TCAIM: variants seen among roughly 807,000 people sequenced by gnomAD.
The protein encoded by TCAIM is T-cell activation inhibitor, mitochondrial.
Under a neutral mutation model 58.6 loss-of-function variants are expected in TCAIM, and 36 were observed. That is an observed-to-expected ratio of 0.61 (90% CI 0.47 to 0.81). TCAIM has a LOEUF of 0.81. Ranked by LOEUF, TCAIM falls within the 30% of genes least tolerant of loss-of-function variation. TCAIM has a pLI of 0.00. For synonymous variants in TCAIM, 172 were observed against 193.6 expected (o/e 0.89, Z 0.93); for missense variants, 466 against 579.6 (o/e 0.80, Z 2.01).
chr3:44,371,612 A>T (rs1193238326), intron 5 of TCAIM, among the ~76,000 whole-genome samples: 2 of 152,248 alleles, frequency 1.3e-5, no homozygotes, highest in East Asian at 3.9e-4. Flanking sequence ...GCATTATAAT[A>T]CCTGTACTCA....
At chr3:44,361,595 A>G in intron 4 of TCAIM, 77 bp downstream of exon 4, 7 of 1,333,610 alleles carry the variant, frequency 5.2e-6, no homozygotes, top group Non-Finnish European at 6.9e-6. Context: ...TTGCCAGAAT[A>G]CCTTTGGATG....
intron 5 of TCAIM, among the ~76,000 whole-genome samples, chr3:44,382,364 G>A (rs145093199): frequency 3.2e-4 from 48 of 152,240 alleles, no homozygotes; most frequent in African/African-American, 1.1e-3. Context: ...CCCAGGCACC[G>A]TAGTGAGACC....
Position 44,356,082 on chromosome 3 carries a change from A to G in TCAIM, c.29+1271A>G, listed in dbSNP as rs1033237101. ...TAGGAGAAACAAAAGATAATCTGCA[A>G]ATAGGTTGGTGGTCTCCAGATTGTT... On this transcript the variant is annotated intron_variant, in intron 2 of 10. Transcript: ENST00000342649. Among the ~76,000 whole-genome samples the G allele has an allele frequency of 3.9e-5, 6 of 152,268 alleles. No homozygotes were observed. In the South Asian group the frequency reaches 6.2e-4, roughly 16 times the overall value.
At chr3:44,344,642 C>CT (rs1700927248) in intron 1 of TCAIM, among the ~76,000 whole-genome samples, 2 of 152,094 alleles carry the variant, frequency 1.3e-5, no homozygotes, top group Admixed American at 1.3e-4. Context: ...TATAAGGGCA[C>CT]TAATGACCTT....
rs775135966 is a variant in TCAIM at position 44,401,280 on chromosome 3, G to C, written c.1196G>C (p.Trp399Ser). The change falls in exon 10 of 11, where the codon TGG becomes TCG. Residue 399 changes from tryptophan to serine, a missense_variant. Trp to Ser is a radical substitution (Grantham distance 177). Transcript: ENST00000342649. ...CTCTGTGATCCAGCAAATCTCCAGT[G>C]GTTTATTCTCACCAAAGCTCAGCAG... ...PTLCDPANLQ[W>S]FILTKAQQAR... The C allele has an allele frequency of 3.7e-6, 6 of 1,613,944 alleles. No individual in the cohort carries two copies. Among genetic ancestry groups the C allele is most frequent in the Non-Finnish European group, 4.2e-6 (5 of 1,179,974 alleles).
intron 4 of TCAIM, among the ~76,000 whole-genome samples, chr3:44,365,283 T>C (rs1701355787): frequency 6.6e-6 from 1 of 152,188 alleles, no homozygotes; most frequent in African/African-American, 2.4e-5. Flanking sequence ...AAGTAGAATG[T>C]GTATCTCTGA....
At chr3:44,400,625 C>T in intron 9 of TCAIM, 38 bp downstream of exon 9, 3 of 1,542,236 alleles carry the variant, frequency 1.9e-6, no homozygotes, top group Non-Finnish European at 2.7e-6. Context: ...TTTATTCCTT[C>T]GTCTAGGTGG....
At position 44,357,755 on chromosome 3, in the gene TCAIM, A is replaced by G; in HGVS notation, c.44A>G (p.Lys15Arg). The G allele has an allele frequency of 6.2e-7, 1 of 1,614,118 alleles. No homozygotes were observed. Among genetic ancestry groups the G allele is most frequent in the South Asian group, 1.1e-5 (1 of 91,082 alleles). Residue 15 changes from lysine (K) to arginine (R), a missense_variant, in exon 3 of 11, where the codon AAG becomes AGG. By Grantham distance (26) the Lys-to-Arg change is conservative. Coordinates refer to ENST00000342649, the MANE Select transcript of TCAIM (RefSeq NM_173826.4). The stretch of plus-strand genomic sequence containing the variant: ...CTTTTTAAAAGGTTATGTCTAGAGA[A>G]GATATTTCCACACTGGTTTCCCTTT... ...LRPMRRLCLE[K>R]IFPHWFPFSR...
In TCAIM at chr3:44,400,390, G is replaced by C. The variant is rs1376570368; in HGVS notation, c.921G>C (p.Gln307His). The change falls in exon 9 of 11, where the codon CAG becomes CAC. Residue 307 changes from glutamine to histidine, a missense_variant. Coordinates refer to ENST00000342649, the MANE Select transcript of TCAIM (RefSeq NM_173826.4). Reference sequence around the variant, plus strand: ...GATTGCCAAGTTATTTTGACCTTCAGAGGAGGCTGATGATTTTAGAAGACC... The same window carrying C: ...GATTGCCAAGTTATTTTGACCTTCACAGGAGGCTGATGATTTTAGAAGACC... ...FERLPSYFDL[Q>H]RRLMILEDQI... is the part of the protein sequence containing the mutation. 6.2e-7 allele frequency: 1 copy of C among 1,613,700 alleles called. No homozygotes were observed. The highest frequency in any genetic ancestry group is 8.5e-7 in the Non-Finnish European group (1 of 1,179,864).
intron 5 of TCAIM, 121 bp downstream of exon 5, chr3:44,367,829 A>G: frequency 1.5e-5 from 15 of 1,018,258 alleles, no homozygotes; most frequent in Non-Finnish European, 1.9e-5. Context: ...TTAAAATTAA[A>G]ACCTAATTTT....
intron 5 of TCAIM, among the ~76,000 whole-genome samples, chr3:44,382,007 A>G (rs929171126): frequency 9.9e-5 from 15 of 152,236 alleles, no homozygotes; most frequent in Admixed American, 3.3e-4. Context: ...AAGGCATTCT[A>G]TGATCAAGGA....
At position 44,361,395 on chromosome 3, in the gene TCAIM, AGT is replaced by A. The variant is rs1559565738; in HGVS notation, c.199_200del (p.Val67LeufsTer37). 6.2e-7 allele frequency: 1 copy of A among 1,607,604 alleles called. No individual in the cohort carries two copies. The highest frequency in any genetic ancestry group is 8.5e-7 in the Non-Finnish European group (1 of 1,178,216). On this transcript the variant is annotated frameshift_variant, in exon 4 of 11. Transcript: ENST00000342649. LOFTEE classifies it high-confidence loss of function. ...CAATGAAAATTCTCTTAAAAGGTTA[AGT>A]GTCTACCTAGAAAACCTCCAGAAAC... ...EINENSLKRL[S>X]VYLENLQKPG...
At chr3:44,342,289 T>G (rs1318169572) in intron 1 of TCAIM, among the ~76,000 whole-genome samples, 3 of 152,142 alleles carry the variant, frequency 2.0e-5, no homozygotes, top group African/African-American at 2.4e-5. Flanking sequence ...TTTATATATA[T>G]CCACATGTTT....
At chr3:44,387,247 G>A (rs567911046) in intron 5 of TCAIM, among the ~76,000 whole-genome samples, 68 of 152,196 alleles carry the variant, frequency 4.5e-4, no homozygotes, top group Non-Finnish European at 8.4e-4. Flanking sequence ...AGCTACACCA[G>A]GTCTCCTGAG....
At chr3:44,369,191 C>T (rs1701425354) in intron 5 of TCAIM, among the ~76,000 whole-genome samples, 1 of 152,196 alleles carries the variant, frequency 6.6e-6, no homozygotes, top group Non-Finnish European at 1.5e-5. Context: ...GAGAAGTTCT[C>T]AGCCTTGCCT....
At chr3:44,397,309 C>A (rs1027537543) in intron 8 of TCAIM, among the ~76,000 whole-genome samples, 11 of 152,146 alleles carry the variant, frequency 7.2e-5, no homozygotes, top group African/African-American at 2.7e-4. Flanking sequence ...CCCATCCCAC[C>A]ACCCCCTCTC....
At chr3:44,372,883 T>C (rs1281048940) in intron 5 of TCAIM, among the ~76,000 whole-genome samples, 1 of 152,186 alleles carries the variant, frequency 6.6e-6, no homozygotes, top group Non-Finnish European at 1.5e-5. Flanking sequence ...TGTGAGCCAC[T>C]GCACCCGGCC....
At chr3:44,366,469 T>G (rs1200826218) in intron 4 of TCAIM, among the ~76,000 whole-genome samples, 1 of 141,044 alleles carries the variant, frequency 7.1e-6, no homozygotes, top group Non-Finnish European at 1.5e-5. Flanking sequence ...TGTTGTTTTT[T>G]TTTTTTTTTT....
At chr3:44,354,903 A>G (rs1701162434) in intron 2 of TCAIM, 92 bp downstream of exon 2, 3 of 1,434,410 alleles carry the variant, frequency 2.1e-6, no homozygotes, top group Non-Finnish European at 2.9e-6. Flanking sequence ...TATTTTTCCA[A>G]TTCTGAAGTT....
Sources: allele counts gnomAD v4.1 joint callset (sites outside exome capture counted in the v4.1 genomes callset), GRCh38; gene constraint gnomAD v4.1.1; transcripts MANE v1.5; gene names NCBI Gene and HGNC (gene_info 2026-07-23, HGNC 2026-07-21).